CTDSPL: variants seen among roughly 807,000 people sequenced by gnomAD.
The protein encoded by CTDSPL is CTD small phosphatase-like protein.
A neutral mutation model predicts 30.5 loss-of-function variants in CTDSPL; 8 were observed. The observed-to-expected ratio is 0.26, with a 90% CI of 0.15 to 0.47. CTDSPL has a LOEUF of 0.47. CTDSPL is among the 20% of genes least tolerant of loss of function. The pLI is 0.99. For synonymous variants in CTDSPL, 110 were observed against 137.9 expected (o/e 0.80, Z 1.42); for missense variants, 248 against 366.1 (o/e 0.68, Z 2.63).
chr3:37,863,080 TG>T (rs1311629032), intron 1 of CTDSPL, among the ~76,000 whole-genome samples: 1 of 152,228 alleles, frequency 6.6e-6, no homozygotes, highest in East Asian at 1.9e-4. Flanking sequence ...TGCTGGAGTC[TG>T]GGGGGGAGAA....
At chr3:37,978,267 A>G (rs1005689932) in intron 7 of CTDSPL, among the ~76,000 whole-genome samples, 1 of 152,116 alleles carries the variant, frequency 6.6e-6, no homozygotes, top group Non-Finnish European at 1.5e-5. Context: ...ATTCTTTTGC[A>G]TGCTCTAATT....
At chr3:37,950,623 G>A (rs1173949145) in intron 2 of CTDSPL, among the ~76,000 whole-genome samples, 4 of 152,186 alleles carry the variant, frequency 2.6e-5, no homozygotes, top group Non-Finnish European at 5.9e-5. Context: ...CTAGGAGATG[G>A]AACATGCAAA....
chr3:37,881,482 T>A (rs1035941607), intron 1 of CTDSPL, among the ~76,000 whole-genome samples: 2 of 152,100 alleles, frequency 1.3e-5, no homozygotes, highest in Non-Finnish European at 2.9e-5. Context: ...TGAGCCAAGA[T>A]CGCGCCACTG....
chr3:37,965,823 C>T (rs548225866), intron 4 of CTDSPL, among the ~76,000 whole-genome samples: 1 of 152,292 alleles, frequency 6.6e-6, no homozygotes, highest in Admixed American at 6.5e-5. Context: ...CCACACTGAC[C>T]TCTAGCAGTG....
At chr3:37,876,512 G>A (rs1370353190) in intron 1 of CTDSPL, among the ~76,000 whole-genome samples, 5 of 152,064 alleles carry the variant, frequency 3.3e-5, no homozygotes, top group Non-Finnish European at 5.9e-5. Flanking sequence ...CCATTATAGT[G>A]GGTATTTAGT....
intron 2 of CTDSPL, among the ~76,000 whole-genome samples, chr3:37,953,167 C>T (rs569787893): frequency 8.8e-4 from 134 of 152,196 alleles, no homozygotes; most frequent in Non-Finnish European, 1.6e-3. Flanking sequence ...GTATTTTATA[C>T]TTACAGCACA....
At chr3:37,972,226 G>A (rs1699375443) in intron 6 of CTDSPL, among the ~76,000 whole-genome samples, 1 of 152,202 alleles carries the variant, frequency 6.6e-6, no homozygotes, top group Non-Finnish European at 1.5e-5. Context: ...GCCGGGCGCG[G>A]TTGCTCATGC....
At chr3:37,925,233 C>G (rs979517921) in intron 1 of CTDSPL, among the ~76,000 whole-genome samples, 4 of 152,122 alleles carry the variant, frequency 2.6e-5, no homozygotes, top group Non-Finnish European at 5.9e-5. Flanking sequence ...CCATCCATCA[C>G]TGTCTCTTTC....
intron 1 of CTDSPL, among the ~76,000 whole-genome samples, chr3:37,886,715 A>T (rs1409545973): frequency 1.3e-5 from 2 of 152,204 alleles, no homozygotes; most frequent in Admixed American, 6.5e-5. Flanking sequence ...TTGCATTCAT[A>T]ATACATCTCT....
intron 1 of CTDSPL, among the ~76,000 whole-genome samples, chr3:37,895,229 A>G (rs1575286416): frequency 6.6e-6 from 1 of 152,106 alleles, no homozygotes; most frequent in Non-Finnish European, 1.5e-5. Flanking sequence ...GTTTTTTGCC[A>G]TTGCCAACAT....
At chr3:37,883,408 G>A (rs1249198450) in intron 1 of CTDSPL, among the ~76,000 whole-genome samples, 1 of 152,196 alleles carries the variant, frequency 6.6e-6, no homozygotes, top group South Asian at 2.1e-4. Context: ...GGGAGTCCAT[G>A]AACTTAGACA....
intron 1 of CTDSPL, among the ~76,000 whole-genome samples, chr3:37,924,454 C>T (rs916029703): frequency 2.7e-4 from 41 of 152,252 alleles, no homozygotes; most frequent in Admixed American, 6.5e-4. Context: ...TTTATAATTG[C>T]CAGCTTTTCC....
chr3:37,922,803 C>G lies in CTDSPL; in HGVS notation c.80-24254C>G, dbSNP rs879390972. The stretch of plus-strand genomic sequence containing the variant: ...ACACAGCTGAGTCACCAACAAGGGC[C>G]TTGCCACTCCTGGTCTGAAGCACTA... On this transcript the variant is annotated intron_variant, in intron 1 of 7. Coordinates refer to ENST00000273179, the MANE Select transcript of CTDSPL (RefSeq NM_001008392.2). Among the ~76,000 whole-genome samples, 47 of 152,208 alleles carry G rather than the reference C, an allele frequency of 3.1e-4. 1 individual carries two copies. Among genetic ancestry groups the G allele is most frequent in the Admixed American group, 2.9e-3 (45 of 15,280 alleles).
At chr3:37,950,479 A>C (rs1699094269) in intron 2 of CTDSPL, among the ~76,000 whole-genome samples, 1 of 152,234 alleles carries the variant, frequency 6.6e-6, no homozygotes, top group African/African-American at 2.4e-5. Context: ...CTAAATATAA[A>C]AATTCAGTAA....
intron 1 of CTDSPL, among the ~76,000 whole-genome samples, chr3:37,863,951 G>C (rs1370317533): frequency 6.6e-6 from 1 of 152,212 alleles, no homozygotes; most frequent in Non-Finnish European, 1.5e-5. Context: ...GCAAGAGAGT[G>C]CTCCAGGTAA....
At chr3:37,873,269 G>T (rs983252713) in intron 1 of CTDSPL, among the ~76,000 whole-genome samples, 5 of 152,190 alleles carry the variant, frequency 3.3e-5, no homozygotes, top group African/African-American at 1.2e-4. Flanking sequence ...GGATGGGGGT[G>T]ATATTAGGCT....
At chr3:37,962,724 G>A (rs1168599635) in intron 3 of CTDSPL, among the ~76,000 whole-genome samples, 3 of 152,154 alleles carry the variant, frequency 2.0e-5, no homozygotes, top group Non-Finnish European at 1.5e-5. Context: ...GTTTATAAAC[G>A]CATAGGAAAA....
chr3:37,865,754 TG>T (rs1698001537), intron 1 of CTDSPL, among the ~76,000 whole-genome samples: 1 of 151,998 alleles, frequency 6.6e-6, no homozygotes. Flanking sequence ...CCTTTAGGGC[TG>T]GAAAAAGAGT....
chr3:37,893,377 C>T (rs1329514946), intron 1 of CTDSPL, among the ~76,000 whole-genome samples: 1 of 152,202 alleles, frequency 6.6e-6, no homozygotes, highest in African/African-American at 2.4e-5. Context: ...ATTAAGAGAA[C>T]TCATAAAAGT....
Sources: allele counts gnomAD v4.1 joint callset (sites outside exome capture counted in the v4.1 genomes callset), GRCh38; gene constraint gnomAD v4.1.1; transcripts MANE v1.5; gene names NCBI Gene and HGNC (gene_info 2026-07-23, HGNC 2026-07-21).